The following SLC2A9 variants were observed in gnomAD, a reference collection of about 807,000 sequenced individuals.
The protein encoded by SLC2A9 is solute carrier family 2, facilitated glucose transporter member 9.
A neutral mutation model predicts 50.6 loss-of-function variants in SLC2A9; 39 were observed. The observed-to-expected ratio is 0.77, with a 90% CI of 0.60 to 1.01. The LOEUF is 1.01. Ranked by LOEUF, SLC2A9 falls within the 50% of genes least tolerant of loss-of-function variation. SLC2A9 has a pLI of 0.00. For synonymous variants in SLC2A9, 324 were observed against 276.9 expected, an observed-to-expected ratio of 1.17 and a Z score of -1.69; for missense variants, 686 against 677.6, an observed-to-expected ratio of 1.01 and a Z score of -0.14.
chr4:9,997,525 C>G (rs1175939329), intron 2 of SLC2A9, among the ~76,000 whole-genome samples: 1 of 152,094 alleles, frequency 6.6e-6, no homozygotes, highest in Non-Finnish European at 1.5e-5. Flanking sequence ...GATGGTGAAA[C>G]CCTGTCTCTA....
intron 7 of SLC2A9, among the ~76,000 whole-genome samples, chr4:9,919,254 T>C (rs1743463466): frequency 6.6e-6 from 1 of 152,198 alleles, no homozygotes; most frequent in Non-Finnish European, 1.5e-5. Context: ...TCAGTTAATG[T>C]AGGTACAGCC....
At chr4:9,884,812 A>G (rs1033639364) in intron 10 of SLC2A9, among the ~76,000 whole-genome samples, 1 of 152,236 alleles carries the variant, frequency 6.6e-6, no homozygotes, top group African/African-American at 2.4e-5. Flanking sequence ...AATGTGGTAC[A>G]TATGTACCAC....
At chr4:9,789,768 G>A (rs754203376) in intron 3 of SLC2A9, among the ~76,000 whole-genome samples, 3 of 152,224 alleles carry the variant, frequency 2.0e-5, no homozygotes, top group African/African-American at 7.2e-5. Flanking sequence ...TTGCAGGTAT[G>A]AGACCAAGGG....
At position 9,942,608 on chromosome 4, in the gene SLC2A9, G is replaced by C. The variant is rs980758700; in HGVS notation, c.682-563C>G. ...GGCACAGCTTACCCCTTAGGGAGAG[G>C]AGGCCTTTCACTTTCCAGCCAGCTA... On this transcript the variant is annotated intron_variant, in intron 5 of 11. Transcript: ENST00000264784. Among the ~76,000 whole-genome samples, 7 of 152,264 alleles carry C rather than the reference G, an allele frequency of 4.6e-5. No individual in the cohort carries two copies. In the East Asian group the frequency reaches 1.2e-3, roughly 25 times the overall value.
At chr4:9,808,700 A>T (rs926722850) in intron 3 of SLC2A9, among the ~76,000 whole-genome samples, 1 of 152,160 alleles carries the variant, frequency 6.6e-6, no homozygotes, top group African/African-American at 2.4e-5. Flanking sequence ...TGCCTCATAG[A>T]TGCAGTCTTT....
intron 6 of SLC2A9, among the ~76,000 whole-genome samples, chr4:9,928,995 C>T (rs564351462): frequency 3.3e-5 from 5 of 152,282 alleles, no homozygotes; most frequent in African/African-American, 7.2e-5. Flanking sequence ...TCCTGATGGA[C>T]GGGATTACAG....
intron 11 of SLC2A9, among the ~76,000 whole-genome samples, chr4:9,834,049 C>T (rs1044792985): frequency 1.3e-5 from 2 of 152,192 alleles, no homozygotes; most frequent in African/African-American, 4.8e-5. Context: ...ATATAGGCCT[C>T]TGGGTGGTTT....
At chr4:9,972,942 A>G (rs891894214) in intron 5 of SLC2A9, among the ~76,000 whole-genome samples, 12 of 152,254 alleles carry the variant, frequency 7.9e-5, no homozygotes, top group African/African-American at 2.7e-4. Flanking sequence ...AGAAACAGCT[A>G]TAAAATCAGA....
Position 9,889,717 on chromosome 4 carries a change from T to C in SLC2A9, c.1215+893A>G, listed in dbSNP as rs571566850. On this transcript the variant is annotated intron_variant, in intron 9 of 11. Coordinates refer to ENST00000264784, the MANE Select transcript of SLC2A9 (RefSeq NM_020041.3). Reference sequence around the variant, plus strand: ...AAATGTGCACCTATCAATTTCCAGATGCATTTTTGAAAAATGCAAAGATTA... The same window carrying C: ...AAATGTGCACCTATCAATTTCCAGACGCATTTTTGAAAAATGCAAAGATTA... Among the ~76,000 whole-genome samples the C allele has an allele frequency of 2.6e-5, 4 of 152,230 alleles. No individual in the cohort carries two copies. The South Asian group carries it at 6.2e-4, about 24-fold the overall frequency.
intron 2 of SLC2A9, among the ~76,000 whole-genome samples, chr4:10,000,327 AG>A (rs1759557236): frequency 6.6e-6 from 1 of 152,230 alleles, no homozygotes; most frequent in Admixed American, 6.5e-5. Context: ...TGGATCTCAA[AG>A]ATCTTCCATC....
Position 9,855,667 on chromosome 4 carries a change from C to G in SLC2A9, c.1292-20659G>C, listed in dbSNP as rs555610477. On this transcript the variant is annotated intron_variant, in intron 10 of 11. Transcript: ENST00000264784. ...GAGCCCACATAGCCCAGATCCTAAG[C>G]AAAAAGAACAAAGCAGGAGACAACA... Among the ~76,000 whole-genome samples the G allele has an allele frequency of 5.3e-5, 8 of 152,070 alleles. No individual in the cohort carries two copies. The East Asian group carries it at 1.5e-3, about 29-fold the overall frequency.
At chr4:9,957,111 C>T (rs73227839) in intron 5 of SLC2A9, among the ~76,000 whole-genome samples, 164 of 152,154 alleles carry the variant, frequency 1.1e-3, no homozygotes, top group Non-Finnish European at 1.7e-3. Flanking sequence ...CCTTTATTCA[C>T]TTCTTGATGG....
intron 10 of SLC2A9, among the ~76,000 whole-genome samples, chr4:9,864,483 C>T (rs888681666): frequency 2.6e-5 from 4 of 152,212 alleles, no homozygotes; most frequent in Non-Finnish European, 4.4e-5. Flanking sequence ...TTATCATAGT[C>T]GCCATTTCTT....
intron 9 of SLC2A9, among the ~76,000 whole-genome samples, chr4:9,890,009 C>T (rs1737076433): frequency 6.6e-6 from 1 of 152,240 alleles, no homozygotes; most frequent in Non-Finnish European, 1.5e-5. Context: ...CCTTCATGGA[C>T]ATCCACTGAG....
rs13113918 is a variant in SLC2A9, at chr4:9,996,869, A to T, written c.322T>A (p.Leu108Met). 1 of 1,614,092 alleles carries T rather than the reference A, an allele frequency of 6.2e-7. No homozygotes were observed. The highest frequency in any genetic ancestry group is 1.1e-5 in the South Asian group (1 of 91,088). ...ATGGACACAGTCACAGACCAGAGCA[A>T]AGTCAGAGTGTCTGGGTCTATTGGA... is the stretch of plus-strand genomic sequence containing the variant. Reference protein sequence around the residue: ...GRPIDPDTLTLLWSVTVSIFA... With the variant: ...GRPIDPDTLTMLWSVTVSIFA... Residue 108 changes from leucine to methionine, a missense_variant, in exon 3 of 12, where the codon TTG (leucine) becomes ATG (methionine). Transcript: ENST00000264784.
At chr4:9,985,110 C>T (rs193235016) in intron 4 of SLC2A9, among the ~76,000 whole-genome samples, 1 of 152,226 alleles carries the variant, frequency 6.6e-6, no homozygotes, top group East Asian at 1.9e-4. Context: ...CTAAAACAGC[C>T]CTCACCACCC....
chr4:9,801,093 G>A lies in SLC2A9; in HGVS notation n.421-1852C>T, dbSNP rs570894893. 7.9e-5 allele frequency among the ~76,000 whole-genome samples: 12 copies of A among 152,134 alleles called. No homozygotes were observed. In the East Asian group the frequency reaches 9.7e-4, roughly 12 times the overall value. On this transcript the variant is annotated intron_variant and non_coding_transcript_variant, in intron 3 of 3. Transcript: ENST00000503280. The stretch of plus-strand genomic sequence containing the variant: ...TGCTTCTACCACATGTGTAAGACAC[G>A]TGGCTCATTTGAATGTGGCTTTTGT...
intron 6 of SLC2A9, among the ~76,000 whole-genome samples, chr4:9,937,012 G>A (rs1747208969): frequency 6.6e-6 from 1 of 152,204 alleles, no homozygotes; most frequent in South Asian, 2.1e-4. Flanking sequence ...TCCCTGTGCT[G>A]TGGAATTGAA....
chr4:10,038,258 G>A (rs1473647184), intron 1 of SLC2A9, among the ~76,000 whole-genome samples: 1 of 152,056 alleles, frequency 6.6e-6, no homozygotes, highest in Non-Finnish European at 1.5e-5. Context: ...TGTAATCCCA[G>A]TGCTTTGAGA....
Sources: allele counts gnomAD v4.1 joint callset (sites outside exome capture counted in the v4.1 genomes callset), GRCh38; gene constraint gnomAD v4.1.1; transcripts MANE v1.5; gene names NCBI Gene and HGNC (gene_info 2026-07-23, HGNC 2026-07-21).